The following ITPK1 variants were observed in gnomAD, a reference collection of about 807,000 sequenced individuals.
ITPK1 encodes the protein inositol 1,3,4-trisphosphate 5/6-kinase.
Under a neutral mutation model 45.3 loss-of-function variants are expected in ITPK1, and 21 were observed. The observed-to-expected ratio is 0.46, with a 90% CI of 0.33 to 0.67. ITPK1 has a LOEUF of 0.67. Ranked by LOEUF, ITPK1 falls within the 30% of genes least tolerant of loss-of-function variation. The probability of loss-of-function intolerance (pLI) is 0.02; values close to 1 mark genes in which losing one functional copy is unlikely to be tolerated. For synonymous variants in ITPK1, 258 were observed against 253.6 expected, an observed-to-expected ratio of 1.02 and a Z score of -0.16; for missense variants, 474 against 573.5, an observed-to-expected ratio of 0.83 and a Z score of 1.77.
At chr14:93,061,915 G>A (rs114361959) in intron 3 of ITPK1, among the ~76,000 whole-genome samples, 1,650 of 152,290 alleles carry the variant, frequency 0.011, 30 homozygotes, top group African/African-American at 0.037. Flanking sequence ...TTAACAAAGG[G>A]GGAAGCTCTA....
intron 5 of ITPK1, among the ~76,000 whole-genome samples, chr14:92,969,934 G>A (rs1253515033): frequency 6.6e-6 from 1 of 152,084 alleles, no homozygotes; most frequent in Non-Finnish European, 1.5e-5. Flanking sequence ...GGGAGGGCAC[G>A]TGGAGATGGG....
chr14:93,050,004 G>T (rs1161557884), intron 3 of ITPK1, among the ~76,000 whole-genome samples: 2 of 152,098 alleles, frequency 1.3e-5, no homozygotes, highest in Non-Finnish European at 2.9e-5. Flanking sequence ...GGGGGTGGGC[G>T]CCGACAATCC....
At chr14:93,084,390 C>T (rs1320359381) in intron 2 of ITPK1, among the ~76,000 whole-genome samples, 2 of 152,152 alleles carry the variant, frequency 1.3e-5, no homozygotes, top group Non-Finnish European at 2.9e-5. Flanking sequence ...GGAAAGGGCC[C>T]CTGTAATGCA....
At position 92,969,197 on chromosome 14, in the gene ITPK1, T is replaced by C. The variant is rs558963053; in HGVS notation, c.365-6348A>G. 2.6e-5 allele frequency among the ~76,000 whole-genome samples: 4 copies of C among 151,928 alleles called. No homozygotes were observed. The East Asian group carries it at 7.8e-4, about 29-fold the overall frequency. On this transcript the variant is annotated intron_variant, in intron 5 of 10. Coordinates refer to ENST00000267615, the MANE Select transcript of ITPK1 (RefSeq NM_014216.6). The stretch of plus-strand genomic sequence containing the variant: ...CAGGAGCTAACAATATAGTAATAAA[T>C]AAAACAGAGGCATCCCTGTCCTCGA...
chr14:93,015,897 C>G (rs188888370), intron 4 of ITPK1, among the ~76,000 whole-genome samples: 5 of 152,340 alleles, frequency 3.3e-5, no homozygotes, highest in Admixed American at 3.3e-4. Flanking sequence ...GGCACCAAAT[C>G]TGCGCCTGTC....
chr14:93,016,526 C>T lies in ITPK1; in HGVS notation c.246+150G>A, dbSNP rs534387185. 1.4e-3 allele frequency: 1,180 copies of T among 859,380 alleles called. 1 individual carries two copies. Among genetic ancestry groups the T allele is most frequent in the Non-Finnish European group, 1.9e-3 (1,061 of 555,252 alleles). The allele number at this position is 859,380 out of a possible 1,614,324, so 53.2% of individuals were successfully genotyped here. ...GACGCCGCACAGAAGTACCTGCCCA[C>T]GAGCCCATGTCTTGCCAGTGGCAGA... On this transcript the variant is annotated intron_variant, in intron 4 of 10. Transcript: ENST00000267615. This position sits in a 1 kb window ranked among gnomAD's most constrained non-coding sequence, Gnocchi z 5.0.
intron 5 of ITPK1, among the ~76,000 whole-genome samples, chr14:92,991,186 C>A (rs1011380875): frequency 1.3e-5 from 2 of 152,130 alleles, no homozygotes; most frequent in Admixed American, 1.3e-4. Context: ...GAACAGCAGG[C>A]AGTTGAGGAG....
chr14:93,083,795 A>AC (rs911161647), intron 2 of ITPK1, among the ~76,000 whole-genome samples: 1 of 150,770 alleles, frequency 6.6e-6, no homozygotes, highest in African/African-American at 2.4e-5. Context: ...TCACCACCTG[A>AC]CCCCCCAGGT....
At chr14:92,954,902 A>T (rs1595083421) in intron 8 of ITPK1, among the ~76,000 whole-genome samples, 1 of 152,158 alleles carries the variant, frequency 6.6e-6, no homozygotes, top group Admixed American at 6.5e-5. Context: ...GTATCCCAGG[A>T]CATATTCTCT....
In ITPK1 at chr14:93,076,423, C is replaced by G. The variant is rs764368765; in HGVS notation, c.120+172G>C. Among the ~76,000 whole-genome samples, 14 of 152,124 alleles carry G rather than the reference C, an allele frequency of 9.2e-5. No individual in the cohort carries two copies. The highest frequency in any genetic ancestry group is 4.2e-4 in the South Asian group (2 of 4,816). On this transcript the variant is annotated intron_variant, in intron 3 of 10. Coordinates refer to ENST00000267615, the MANE Select transcript of ITPK1 (RefSeq NM_014216.6). This position sits in a 1 kb window ranked among gnomAD's most constrained non-coding sequence, Gnocchi z 4.3. ...AAACCCGAGAAGCCCCTGTCGGAGT[C>G]TGCCCAGGCCAGGGCAGAAACCACA...
At chr14:93,029,307 GGTC>G (rs1390821839) in intron 3 of ITPK1, among the ~76,000 whole-genome samples, 1 of 152,030 alleles carries the variant, frequency 6.6e-6, no homozygotes. Context: ...CTCCACCTGG[GGTC>G]TGGACCCTTG....
At chr14:93,017,590 G>A (rs574469746) in intron 3 of ITPK1, among the ~76,000 whole-genome samples, 9 of 152,272 alleles carry the variant, frequency 5.9e-5, no homozygotes, top group East Asian at 3.9e-4. Context: ...TTCCTGACCC[G>A]CCACATGTCT....
intron 5 of ITPK1, among the ~76,000 whole-genome samples, chr14:92,983,269 G>A (rs1886319106): frequency 1.3e-5 from 2 of 151,970 alleles, no homozygotes; most frequent in Non-Finnish European, 2.9e-5. Flanking sequence ...CCAGGCAGAC[G>A]CTCACTGTCC....
At chr14:93,101,270 C>T (rs1892308320) in intron 2 of ITPK1, among the ~76,000 whole-genome samples, 1 of 152,226 alleles carries the variant, frequency 6.6e-6, no homozygotes, top group African/African-American at 2.4e-5. Context: ...CAAACCCTTA[C>T]ACGCAAAGGC....
chr14:92,990,726 T>C (rs779310713), intron 5 of ITPK1, among the ~76,000 whole-genome samples: 28 of 152,096 alleles, frequency 1.8e-4, no homozygotes, highest in Non-Finnish European at 3.1e-4. Flanking sequence ...AGAGCTGGGG[T>C]GGGAGAGGCC....
At chr14:93,006,632 C>A (rs990838883) in intron 4 of ITPK1, among the ~76,000 whole-genome samples, 3 of 152,230 alleles carry the variant, frequency 2.0e-5, no homozygotes, top group African/African-American at 7.2e-5. Context: ...ATGCTCCTCA[C>A]TTAGCCGCCT....
Position 92,939,621 on chromosome 14 carries a change from A to G in ITPK1, c.*1940T>C, listed in dbSNP as rs2139684606. 1 of 933,256 alleles carries G rather than the reference A, an allele frequency of 1.1e-6. No individual in the cohort carries two copies. The highest frequency in any genetic ancestry group is 1.3e-6 in the Non-Finnish European group (1 of 783,022). The allele number at this position is 933,256 out of a possible 1,614,324, so 57.8% of individuals were successfully genotyped here. On this transcript the variant is annotated 3_prime_UTR_variant, in exon 11 of 11. Transcript: ENST00000267615. The stretch of plus-strand genomic sequence containing the variant: ...CCCGCCCCACCACGGAGGCCTATGG[A>G]CGCCACCACGACACCACATGGCAGT...
chr14:93,024,573 T>C (rs778673934), intron 3 of ITPK1, among the ~76,000 whole-genome samples: 7 of 152,200 alleles, frequency 4.6e-5, no homozygotes, highest in Non-Finnish European at 8.8e-5. Context: ...AGCGGAGGCC[T>C]TTCTGGCCTT....
chr14:93,005,828 A>C (rs887879358), intron 4 of ITPK1, among the ~76,000 whole-genome samples: 1 of 152,230 alleles, frequency 6.6e-6, no homozygotes, highest in African/African-American at 2.4e-5. Flanking sequence ...CCCTAGGTAT[A>C]CACCAGTAGA....
Sources: allele counts gnomAD v4.1 joint callset (sites outside exome capture counted in the v4.1 genomes callset), GRCh38; gene constraint gnomAD v4.1.1; non-coding constraint Gnocchi (gnomAD v3.1); transcripts MANE v1.5; gene names NCBI Gene and HGNC (gene_info 2026-07-23, HGNC 2026-07-21).